Variants in PLCE1 observed in about 807,000 individuals in gnomAD.
The protein encoded by PLCE1 is 1-phosphatidylinositol 4,5-bisphosphate phosphodiesterase epsilon-1.
PLCE1 carries 119 observed loss-of-function variants against 242.8 expected under a neutral mutation model. That is an observed-to-expected ratio of 0.49 (90% CI 0.42 to 0.57). PLCE1 has a LOEUF of 0.57. PLCE1 is among the 20% of genes least tolerant of loss of function. The pLI, the probability that PLCE1 is intolerant of heterozygous loss-of-function variation, is 0.00. For synonymous variants in PLCE1, 945 were observed against 1,017.4 expected (o/e 0.93, Z 1.35); for missense variants, 2,441 against 2,788.8 (o/e 0.88, Z 2.81).
chr10:94,098,749 C>T (rs1005476635), intron 2 of PLCE1, among the ~76,000 whole-genome samples: 2 of 152,152 alleles, frequency 1.3e-5, no homozygotes, highest in Non-Finnish European at 2.9e-5. Context: ...TTTGGAACAC[C>T]TTGAGTTACT....
chr10:94,275,874 T>C (rs775461417), intron 19 of PLCE1, among the ~76,000 whole-genome samples: 1 of 152,148 alleles, frequency 6.6e-6, no homozygotes, highest in Non-Finnish European at 1.5e-5. Flanking sequence ...TGAGCTCATG[T>C]TGAGCTTGTA....
chr10:94,234,870 T>C (rs1454267184), intron 6 of PLCE1, among the ~76,000 whole-genome samples: 3 of 152,100 alleles, frequency 2.0e-5, no homozygotes, highest in Non-Finnish European at 2.9e-5. Flanking sequence ...CCCAAGGCAT[T>C]GGGCATTGGA....
At chr10:94,055,415 A>T (rs2043877226) in intron 2 of PLCE1, among the ~76,000 whole-genome samples, 1 of 151,772 alleles carries the variant, frequency 6.6e-6, no homozygotes, top group Non-Finnish European at 1.5e-5. Flanking sequence ...CCCCGGGTTC[A>T]AGTGATTCTC....
chr10:94,255,137 G>T lies in PLCE1; in HGVS notation c.3554+88G>T, dbSNP rs2051026465. The T allele has an allele frequency of 3.4e-6, 5 of 1,470,908 alleles. No individual in the cohort carries two copies. The Admixed American group carries it at 7.0e-5, about 21-fold the overall frequency. 91.1% of individuals were successfully genotyped at this position (1,470,908 alleles called of 1,614,324 possible). A position where few individuals can be genotyped will look rare whatever the true frequency, so the allele number is the denominator to read the frequency against. On this transcript the variant is annotated intron_variant, in intron 11 of 32. Coordinates refer to ENST00000371380, the MANE Select transcript of PLCE1 (RefSeq NM_016341.4). ...ATATCTTTACAGTTGTCTATGGAAAGACTATTTCACATTTTGATGTATAGT... is the reference window on the plus strand; with the variant it reads ...ATATCTTTACAGTTGTCTATGGAAATACTATTTCACATTTTGATGTATAGT...
chr10:94,289,765 G>T (rs1248314817), intron 22 of PLCE1, among the ~76,000 whole-genome samples: 11 of 152,152 alleles, frequency 7.2e-5, no homozygotes, highest in Admixed American at 7.2e-4. Context: ...GCTCTAGGTG[G>T]ATCAGTGAGT....
At chr10:94,003,919 G>A (rs1354450924) in intron 1 of PLCE1, among the ~76,000 whole-genome samples, 1 of 152,102 alleles carries the variant, frequency 6.6e-6, no homozygotes, top group Non-Finnish European at 1.5e-5. Flanking sequence ...AGGCTGAGGC[G>A]GGTGGATCAT....
At chr10:94,037,257 G>T (rs1344557864) in intron 2 of PLCE1, among the ~76,000 whole-genome samples, 1 of 152,082 alleles carries the variant, frequency 6.6e-6, no homozygotes, top group Non-Finnish European at 1.5e-5. Context: ...CTTTCAAATT[G>T]AAGAGACCTG....
intron 2 of PLCE1, among the ~76,000 whole-genome samples, chr10:94,056,487 A>G (rs186967179): frequency 1.4e-4 from 22 of 152,302 alleles, no homozygotes; most frequent in Admixed American, 1.3e-3. Context: ...GAGAGAAAAA[A>G]TCTATAATCC....
intron 22 of PLCE1, among the ~76,000 whole-genome samples, chr10:94,285,962 C>T (rs2052430603): frequency 6.6e-6 from 1 of 152,116 alleles, no homozygotes; most frequent in Non-Finnish European, 1.5e-5. Context: ...CTGCCCTTAC[C>T]CGTTATACTG....
intron 3 of PLCE1, among the ~76,000 whole-genome samples, chr10:94,135,035 T>G (rs1008674397): frequency 7.2e-5 from 11 of 152,140 alleles, no homozygotes; most frequent in Admixed American, 1.3e-4. Flanking sequence ...CAGCATCCTC[T>G]CCCATTTGGT....
At position 94,330,382 on chromosome 10, in the gene PLCE1, C is replaced by T. The variant is rs11187876; in HGVS notation, c.*2439C>T. ...GGATTACAGAAAGAACACATTGTTT[C>T]AAAATGTAAAGAGTTGGCTGGGCAC... On this transcript the variant is annotated 3_prime_UTR_variant, in exon 33 of 33. Coordinates refer to ENST00000371380, the MANE Select transcript of PLCE1 (RefSeq NM_016341.4). The T allele has an allele frequency of 0.31, 46,794 of 152,026 alleles. 7,520 individuals are homozygous for T. The highest frequency in any genetic ancestry group is 0.47 in the Middle Eastern group (139 of 294). The allele number at this position is 152,026 out of a possible 1,614,324, so 9.4% of individuals were successfully genotyped here.
intron 2 of PLCE1, among the ~76,000 whole-genome samples, chr10:94,065,032 C>T (rs1479559326): frequency 1.3e-5 from 2 of 152,182 alleles, no homozygotes; most frequent in South Asian, 2.1e-4. Context: ...CTCACTTGCT[C>T]CTTAGGGAAA....
intron 32 of PLCE1, among the ~76,000 whole-genome samples, chr10:94,326,207 A>C (rs1309859037): frequency 6.6e-6 from 1 of 152,230 alleles, no homozygotes; most frequent in Non-Finnish European, 1.5e-5. Context: ...TGTTTATGTG[A>C]CAGAGCTTCA....
intron 3 of PLCE1, among the ~76,000 whole-genome samples, chr10:94,143,964 T>C (rs1223633): frequency 0.86 from 130,793 of 152,206 alleles, 58,354 homozygotes; most frequent in South Asian, 0.98. Flanking sequence ...CAGTAGCGGG[T>C]ATTTTGCCCC....
intron 2 of PLCE1, among the ~76,000 whole-genome samples, chr10:94,050,564 T>C (rs887126402): frequency 2.0e-5 from 3 of 152,114 alleles, no homozygotes; most frequent in Admixed American, 6.5e-5. Flanking sequence ...CCTAGGTAAG[T>C]ACATCCCATC....
At chr10:94,280,976 C>T (rs1321816858) in intron 20 of PLCE1, among the ~76,000 whole-genome samples, 2 of 152,178 alleles carry the variant, frequency 1.3e-5, no homozygotes, top group Admixed American at 6.5e-5. Context: ...GTTGATTGCT[C>T]CATACCACCA....
chr10:94,254,945 C>T lies in PLCE1; in HGVS notation c.3450C>T (p.His1150=). Reference sequence around the variant, plus strand: ...ACCCCCTCCCTTCCAGAAGAGCCCACTCTTTGACCACAGCTGGGTCCCCCA... The same window carrying T: ...ACCCCCTCCCTTCCAGAAGAGCCCATTCTTTGACCACAGCTGGGTCCCCCA... ...PPNPLPSRRA[H]SLTTAGSPNL... Residue 1150 remains histidine, a synonymous_variant, in exon 11 of 33, where the codon CAC becomes CAT. Transcript: ENST00000371380. 3 of 1,614,088 alleles carry T rather than the reference C, an allele frequency of 1.9e-6. No homozygotes were observed. The highest frequency in any genetic ancestry group is 2.5e-6 in the Non-Finnish European group (3 of 1,179,942).
chr10:94,191,252 C>T (rs1328847044), intron 4 of PLCE1, among the ~76,000 whole-genome samples: 1 of 152,150 alleles, frequency 6.6e-6, no homozygotes, highest in Non-Finnish European at 1.5e-5. Context: ...CTAAAGTGGG[C>T]ACACTTGAAT....
At chr10:94,327,535 G>A (rs931520254) in intron 32 of PLCE1, among the ~76,000 whole-genome samples, 1 of 152,158 alleles carries the variant, frequency 6.6e-6, no homozygotes, top group East Asian at 1.9e-4. Flanking sequence ...GAGGGAGAGA[G>A]AGCAAAAAGA....
Sources: gnomAD v4.1 joint callset for allele counts (sites outside exome capture counted in the v4.1 genomes callset) on GRCh38, gnomAD v4.1.1 for gene constraint, MANE v1.5 for transcripts, NCBI Gene and HGNC (gene_info 2026-07-23, HGNC 2026-07-21) for gene names.